TRIM51G: variants seen among roughly 807,000 people sequenced by gnomAD.
The protein encoded by TRIM51G is tripartite motif-containing protein 51G.
chr11:48,982,929 G>C, the TRIM51G span, among the ~76,000 whole-genome samples: 105,631 of 107,230 alleles, frequency 0.99, 52,093 homozygotes, highest in Middle Eastern at 1. Flanking sequence ...AATTGTACCA[G>C]AGTTGTAAGT....
the TRIM51G span, among the ~76,000 whole-genome samples, chr11:48,977,720 T>G: frequency 6.6e-6 from 1 of 152,288 alleles, no homozygotes; most frequent in Non-Finnish European, 1.5e-5. Context: ...CACTTTTCAC[T>G]GCTAAAATAC....
At chr11:48,977,215 C>A in the TRIM51G span, 1 of 961,016 alleles carries the variant, frequency 1.0e-6, no homozygotes, top group Non-Finnish European at 1.7e-6. Context: ...ACCATATCAA[C>A]AGCCAAAAAA....
At chr11:48,978,779 T>C in the TRIM51G span, 3 of 651,088 alleles carry the variant, frequency 4.6e-6, no homozygotes, top group Admixed American at 4.5e-5. Flanking sequence ...AAACAAATCA[T>C]GGAAGTAAAG....
chr11:48,981,401 T>C, the TRIM51G span: 2 of 1,607,934 alleles, frequency 1.2e-6, no homozygotes, highest in Non-Finnish European at 1.7e-6. Context: ...ATCTCCTTTG[T>C]CTCTCTGTGC....
chr11:48,983,061 A>G, the TRIM51G span, among the ~76,000 whole-genome samples: 6 of 82,052 alleles, frequency 7.3e-5, no homozygotes, highest in Admixed American at 1.5e-4. Context: ...TTCCCTTGGC[A>G]GTTTGAAGTC....
At chr11:48,982,777 G>A in the TRIM51G span, among the ~76,000 whole-genome samples, 11 of 144,048 alleles carry the variant, frequency 7.6e-5, no homozygotes, top group Admixed American at 2.8e-4. Flanking sequence ...TGATCCGAGG[G>A]ACGCATTAGA....
the TRIM51G span, chr11:48,975,841 C>T: frequency 5.6e-6 from 7 of 1,261,210 alleles, no homozygotes; most frequent in Non-Finnish European, 6.9e-6. Flanking sequence ...ATAAAATTTG[C>T]CAGATATGAA....
chr11:48,975,653 C>A, the TRIM51G span: 12 of 1,428,384 alleles, frequency 8.4e-6, no homozygotes, highest in African/African-American at 1.3e-4. Context: ...GGTCTTGGAA[C>A]ATATTGCATT....
At chr11:48,976,305 CT>C in the TRIM51G span, among the ~76,000 whole-genome samples, 10 of 152,068 alleles carry the variant, frequency 6.6e-5, no homozygotes, top group African/African-American at 2.4e-4. Flanking sequence ...CCTGAATGCC[CT>C]TTAGCTATCA....
chr11:48,978,211 C>T, the TRIM51G span: 2 of 530,134 alleles, frequency 3.8e-6, no homozygotes, highest in South Asian at 2.8e-5. Context: ...GCATCTTCAA[C>T]TAAGTTCATT....
chr11:48,978,264 G>C, the TRIM51G span: 2 of 478,010 alleles, frequency 4.2e-6, no homozygotes, highest in African/African-American at 2.0e-5. Context: ...TTTTCCTACA[G>C]TGTTCCCTCC....
At chr11:48,981,312 G>T in the TRIM51G span, 3 of 1,606,308 alleles carry the variant, frequency 1.9e-6, no homozygotes, top group South Asian at 2.2e-5. Context: ...CCCACTCAGT[G>T]GGACAGTGTC....
At chr11:48,982,214 A>G in the TRIM51G span, among the ~76,000 whole-genome samples, 1 of 152,160 alleles carries the variant, frequency 6.6e-6, no homozygotes, top group African/African-American at 2.4e-5. Flanking sequence ...ATAAACAAAA[A>G]GACAACAATT....
At chr11:48,982,947 G>GTGTATATATATA in the TRIM51G span, among the ~76,000 whole-genome samples, 4 of 86,138 alleles carry the variant, frequency 4.6e-5, no homozygotes, top group Non-Finnish European at 4.5e-5. Flanking sequence ...AGTATTTTTG[G>GTGTATATATATA]TATATATACA....
the TRIM51G span, chr11:48,977,117 A>G: frequency 3.8e-5 from 48 of 1,259,870 alleles, no homozygotes; most frequent in East Asian, 1.2e-4. Flanking sequence ...CATCAGTCCA[A>G]TGATGGGCCC....
At chr11:48,980,839 C>T in the TRIM51G span, 2 of 438,342 alleles carry the variant, frequency 4.6e-6, no homozygotes, top group East Asian at 7.2e-5. Context: ...GATCAAGTTC[C>T]TATTTTAAGA....
At chr11:48,980,286 A>G in the TRIM51G span, among the ~76,000 whole-genome samples, 2 of 152,088 alleles carry the variant, frequency 1.3e-5, no homozygotes, top group Non-Finnish European at 2.9e-5. Context: ...CATTTCTAGA[A>G]TTCTTCTCAA....
At chr11:48,980,693 A>G in the TRIM51G span, among the ~76,000 whole-genome samples, 4 of 152,142 alleles carry the variant, frequency 2.6e-5, no homozygotes. Flanking sequence ...GAAACAGATG[A>G]GCATGCTTGG....
chr11:48,983,865 C>T, the TRIM51G span, among the ~76,000 whole-genome samples: 59 of 152,042 alleles, frequency 3.9e-4, no homozygotes, highest in Admixed American at 1.1e-3. Context: ...GCAGTTAACT[C>T]TAAGTGCTGT....
Sources: allele counts gnomAD v4.1 joint callset (sites outside exome capture counted in the v4.1 genomes callset), GRCh38; gene constraint gnomAD v4.1.1; transcripts MANE v1.5; gene names NCBI Gene and HGNC (gene_info 2026-07-23, HGNC 2026-07-21).